Variants in EML6 observed in about 807,000 individuals in gnomAD.
The protein encoded by EML6 is EMAP like 6, also known as echinoderm microtubule-associated protein-like 6.
A neutral mutation model predicts 240.1 loss-of-function variants in EML6; 154 were observed. The observed-to-expected ratio is 0.64, with a 90% CI of 0.56 to 0.73. EML6 has a LOEUF of 0.73. Ranked by LOEUF, EML6 falls within the 30% of genes least tolerant of loss-of-function variation. EML6 has a pLI of 0.00. For synonymous variants in EML6, 1,148 were observed against 899.0 expected (o/e 1.28, Z -4.95); for missense variants, 2,964 against 2,474.6 (o/e 1.20, Z -4.20).
chr2:54,855,437 A>G (rs1670320939), intron 11 of EML6, among the ~76,000 whole-genome samples: 4 of 148,890 alleles, frequency 2.7e-5, no homozygotes, highest in African/African-American at 1.0e-4. Context: ...TCACCCCCAT[A>G]ATCCAGTTAC....
intron 7 of EML6, among the ~76,000 whole-genome samples, chr2:54,842,399 G>C (rs887142961): frequency 6.6e-6 from 1 of 152,100 alleles, no homozygotes; most frequent in East Asian, 1.9e-4. Flanking sequence ...TTTAGTTTTA[G>C]AGCCTCTTAA....
Position 54,850,391 on chromosome 2 carries a change from A to G in EML6, c.1444+173A>G, listed in dbSNP as rs1670010362. 1.0e-5 allele frequency: 6 copies of G among 592,604 alleles called. No homozygotes were observed. In the South Asian group the frequency reaches 1.3e-4, roughly 13 times the overall value. The allele number at this position is 592,604 out of a possible 1,614,324, so 36.7% of individuals were successfully genotyped here. A position where few individuals can be genotyped will look rare whatever the true frequency, so the allele number is the denominator to read the frequency against. Reference sequence around the variant, plus strand: ...GAATGTTTTCTGTCGCAAGATCCTAAATAACAGACATTCAAAGGAAAGGTA... The same window carrying G: ...GAATGTTTTCTGTCGCAAGATCCTAGATAACAGACATTCAAAGGAAAGGTA... On this transcript the variant is annotated intron_variant, in intron 10 of 41. Transcript: ENST00000356458.
intron 2 of EML6, among the ~76,000 whole-genome samples, chr2:54,726,342 A>ATG (rs1682906840): frequency 6.6e-6 from 1 of 152,244 alleles, no homozygotes. Flanking sequence ...AATGAAATAA[A>ATG]TGAAGTGATG....
Position 54,903,127 on chromosome 2 carries a change from G to T in EML6, c.3208G>T (p.Asp1070Tyr). 6.4e-7 allele frequency: 1 copy of T among 1,551,850 alleles called. No homozygotes were observed. The highest frequency in any genetic ancestry group is 8.7e-7 in the Non-Finnish European group (1 of 1,146,966). Residue 1070 changes from aspartate to tyrosine, a missense_variant, in exon 23 of 42, where the codon GAC (aspartate) becomes TAC (tyrosine). Asp to Tyr is a radical substitution (Grantham distance 160). Coordinates refer to ENST00000356458, the MANE Select transcript of EML6 (RefSeq NM_001039753.4). ...TGGGAGTTTCCTGGTGGTAAATGCT[G>T]ACACTGTTGAAGACATGGTCTCTTT... ...NDGSFLVVNA[D>Y]TVEDMVSFHH...
chr2:54,871,040 A>G (rs960910985), intron 15 of EML6, among the ~76,000 whole-genome samples: 2 of 152,200 alleles, frequency 1.3e-5, no homozygotes, highest in South Asian at 2.1e-4. Flanking sequence ...TGCCATGAAA[A>G]TGTTATTTCC....
intron 5 of EML6, among the ~76,000 whole-genome samples, chr2:54,824,775 C>A (rs757284315): frequency 2.0e-4 from 31 of 152,102 alleles, no homozygotes; most frequent in Admixed American, 5.2e-4. Context: ...TCAGGGACTA[C>A]CTAGGGCTAG....
intron 17 of EML6, among the ~76,000 whole-genome samples, chr2:54,888,053 A>G (rs1275266425): frequency 6.6e-6 from 1 of 152,272 alleles, no homozygotes; most frequent in Non-Finnish European, 1.5e-5. Flanking sequence ...CCCAAAAAGC[A>G]TAGACGCCAA....
At chr2:54,962,005 A>G (rs1676540147) in intron 35 of EML6, among the ~76,000 whole-genome samples, 1 of 151,448 alleles carries the variant, frequency 6.6e-6, no homozygotes, top group Non-Finnish European at 1.5e-5. Context: ...CCCTGCCTCA[A>G]AAAACAAACA....
At chr2:54,901,546 C>T (rs1200431655) in intron 22 of EML6, among the ~76,000 whole-genome samples, 1 of 152,214 alleles carries the variant, frequency 6.6e-6, no homozygotes, top group Non-Finnish European at 1.5e-5. Flanking sequence ...AACCATTCAA[C>T]CCAGTTTACC....
Position 54,968,772 on chromosome 2 carries a change from C to T in EML6, c.5852+4C>T, listed in dbSNP as rs1259098926. On this transcript the variant is annotated splice_donor_region_variant and intron_variant, in intron 41 of 41. Coordinates refer to ENST00000356458, the MANE Select transcript of EML6 (RefSeq NM_001039753.4). ...GCACTGGAGGAGACGACTGCAGGTACTAACGTAGCTGACCCAGTTCTTACT... is the reference window on the plus strand; with the variant it reads ...GCACTGGAGGAGACGACTGCAGGTATTAACGTAGCTGACCCAGTTCTTACT... 6.1e-6 allele frequency: 9 copies of T among 1,479,768 alleles called. No individual in the cohort carries two copies. The highest frequency in any genetic ancestry group is 1.2e-5 in the South Asian group (1 of 82,566). The allele number at this position is 1,479,768 out of a possible 1,614,324, so 91.7% of individuals were successfully genotyped here.
intron 2 of EML6, among the ~76,000 whole-genome samples, chr2:54,810,268 T>G (rs1448746825): frequency 6.6e-6 from 1 of 152,220 alleles, no homozygotes; most frequent in African/African-American, 2.4e-5. Context: ...GGCTTCAATA[T>G]GAATGAGAAG....
intron 2 of EML6, among the ~76,000 whole-genome samples, chr2:54,776,738 AC>A (rs1668619543): frequency 6.7e-6 from 1 of 149,928 alleles, no homozygotes; most frequent in South Asian, 2.1e-4. Context: ...GTGCCACCCC[AC>A]CCCCACGTCC....
intron 2 of EML6, among the ~76,000 whole-genome samples, chr2:54,771,213 T>C (rs1668386920): frequency 6.6e-6 from 1 of 152,144 alleles, no homozygotes; most frequent in Admixed American, 6.5e-5. Context: ...CTCTCTACCT[T>C]CTCACCAGAT....
At chr2:54,806,125 GTGTATGTATATATACA>G (rs1670462252) in intron 2 of EML6, among the ~76,000 whole-genome samples, 1 of 152,026 alleles carries the variant, frequency 6.6e-6, no homozygotes, top group Non-Finnish European at 1.5e-5. Flanking sequence ...ATATATATGT[GTGTATGTATATATACA>G]TGTATGTATA....
At chr2:54,923,945 G>T (rs1674404105) in intron 26 of EML6, among the ~76,000 whole-genome samples, 1 of 152,132 alleles carries the variant, frequency 6.6e-6, no homozygotes. Flanking sequence ...TATCCATGTT[G>T]TTGCATAATA....
At chr2:54,933,197 C>T (rs1183008299) in intron 28 of EML6, among the ~76,000 whole-genome samples, 2 of 152,154 alleles carry the variant, frequency 1.3e-5, no homozygotes, top group African/African-American at 2.4e-5. Flanking sequence ...TTTTGAGGTG[C>T]TATTGGCTCT....
rs529975528 is a variant in EML6, at chr2:54,879,250, G to A, written c.2345-297G>A. On this transcript the variant is annotated intron_variant, in intron 16 of 41. Coordinates refer to ENST00000356458, the MANE Select transcript of EML6 (RefSeq NM_001039753.4). ...GAATGTCAGGTCGGCAGTTTACTTCGGCAGCCCGTTATGCATTAGGAAGCT... is the reference window on the plus strand; with the variant it reads ...GAATGTCAGGTCGGCAGTTTACTTCAGCAGCCCGTTATGCATTAGGAAGCT... 6.6e-5 allele frequency among the ~76,000 whole-genome samples: 10 copies of A among 152,212 alleles called. No individual in the cohort carries two copies. The South Asian group carries it at 8.3e-4, about 13-fold the overall frequency.
At chr2:54,752,480 A>G (rs1684220278) in intron 2 of EML6, among the ~76,000 whole-genome samples, 1 of 152,138 alleles carries the variant, frequency 6.6e-6, no homozygotes, top group Admixed American at 6.5e-5. Flanking sequence ...GAAGATAACC[A>G]CTATTCTGAC....
rs1022693661 is a variant in EML6 at position 54,911,599 on chromosome 2, T to A, written c.3498+557T>A. On this transcript the variant is annotated intron_variant, in intron 25 of 41. Transcript: ENST00000356458. ...CATCTGCCACCACACCCAGCTAATTTTTTTATTTTATTTTTTTAGTAGAGA... is the reference window on the plus strand; with the variant it reads ...CATCTGCCACCACACCCAGCTAATTATTTTATTTTATTTTTTTAGTAGAGA... 8.1e-4 allele frequency among the ~76,000 whole-genome samples: 123 copies of A among 152,122 alleles called. 2 individuals are homozygous for A. Among genetic ancestry groups the A allele is most frequent in the African/African-American group, 2.9e-3 (121 of 41,500 alleles).
Sources: gnomAD v4.1 joint callset for allele counts (sites outside exome capture counted in the v4.1 genomes callset) on GRCh38, gnomAD v4.1.1 for gene constraint, MANE v1.5 for transcripts, NCBI Gene and HGNC (gene_info 2026-07-23, HGNC 2026-07-21) for gene names.